The following PLCE1 variants were observed in gnomAD, a reference collection of about 807,000 sequenced individuals.
PLCE1 encodes 1-phosphatidylinositol 4,5-bisphosphate phosphodiesterase epsilon-1.
Under a neutral mutation model 242.8 loss-of-function variants are expected in PLCE1, and 119 were observed. The observed-to-expected ratio is 0.49, with a 90% CI of 0.42 to 0.57. The LOEUF is 0.57. Ranked by LOEUF, PLCE1 falls within the 20% of genes least tolerant of loss-of-function variation. The pLI, the probability that PLCE1 is intolerant of heterozygous loss-of-function variation, is 0.00. For synonymous variants in PLCE1, 945 were observed against 1,017.4 expected, an observed-to-expected ratio of 0.93 and a Z score of 1.35; for missense variants, 2,441 against 2,788.8, an observed-to-expected ratio of 0.88 and a Z score of 2.81.
In PLCE1 at chr10:94,165,617, A is replaced by G. The variant is rs2047774363; in HGVS notation, c.1493-5563A>G. Among the ~76,000 whole-genome samples the G allele has an allele frequency of 3.3e-5, 5 of 152,314 alleles. 1 individual carries two copies. The highest frequency in any genetic ancestry group is 1.2e-4 in the African/African-American group (5 of 41,552). On this transcript the variant is annotated intron_variant, in intron 3 of 32. Coordinates refer to ENST00000371380, the MANE Select transcript of PLCE1 (RefSeq NM_016341.4). ...AAAACAGTATTACCATATATATTGG[A>G]AAAAAATCTGAACAGGCCAAAAAAA...
chr10:94,107,963 A>T (rs1464659324), intron 2 of PLCE1: 1 of 152,194 alleles, frequency 6.6e-6, no homozygotes, highest in Non-Finnish European at 1.5e-5. Context: ...TATTCCAGAC[A>T]AGCCGTGGGC....
intron 19 of PLCE1, among the ~76,000 whole-genome samples, chr10:94,278,026 G>T (rs551644587): frequency 6.6e-6 from 1 of 151,982 alleles, no homozygotes; most frequent in East Asian, 1.9e-4. Flanking sequence ...TTGAGAAATC[G>T]CAGCCTAGAC....
chr10:94,092,556 T>TG, intron 2 of PLCE1, among the ~76,000 whole-genome samples: 1 of 152,030 alleles, frequency 6.6e-6, no homozygotes, highest in African/African-American at 2.4e-5. Context: ...GAAAGCCCAG[T>TG]AAAAAAGTTC....
Position 94,284,958 on chromosome 10 carries a change from A to C in PLCE1, c.5028A>C (p.Lys1676Asn), listed in dbSNP as rs2052381808. ...TTGTAATCTATTGTCAAGCAGTAAA[A>C]TTTCCAGGTAAGATTAGGCAATATC... ...SDLVIYCQAV[K>N]FPGLSTLNAS... Residue 1676 changes from lysine to asparagine, a missense_variant, in exon 22 of 33, where the codon AAA (lysine) becomes AAC (asparagine). Lys to Asn is a moderately conservative substitution (Grantham distance 94). Coordinates refer to ENST00000371380, the MANE Select transcript of PLCE1 (RefSeq NM_016341.4). 2 of 1,569,134 alleles carry C rather than the reference A, an allele frequency of 1.3e-6. No homozygotes were observed. Among genetic ancestry groups the C allele is most frequent in the Non-Finnish European group, 1.8e-6 (2 of 1,139,266 alleles).
At chr10:94,142,987 C>T (rs1392927585) in intron 3 of PLCE1, among the ~76,000 whole-genome samples, 2 of 152,100 alleles carry the variant, frequency 1.3e-5, no homozygotes, top group African/African-American at 2.4e-5. Flanking sequence ...GAGGGATTTA[C>T]CCACAAATGG....
intron 3 of PLCE1, among the ~76,000 whole-genome samples, chr10:94,164,147 G>A (rs1390356187): frequency 3.9e-5 from 6 of 151,946 alleles, no homozygotes; most frequent in Non-Finnish European, 5.9e-5. Context: ...TGCTCTTCTC[G>A]AGGAGTATCT....
chr10:94,121,920 C>T (rs1449864961), intron 2 of PLCE1, among the ~76,000 whole-genome samples: 1 of 152,140 alleles, frequency 6.6e-6, no homozygotes, highest in African/African-American at 2.4e-5. Context: ...AGATAGAGGC[C>T]ACACTGGACA....
intron 1 of PLCE1, among the ~76,000 whole-genome samples, chr10:94,002,865 C>T (rs960360402): frequency 6.6e-6 from 1 of 152,168 alleles, no homozygotes; most frequent in African/African-American, 2.4e-5. Context: ...AGATTCCTTG[C>T]TTAACATTCT....
intron 2 of PLCE1, chr10:94,108,655 C>T (rs2045845089): frequency 6.6e-6 from 1 of 152,196 alleles, no homozygotes; most frequent in Non-Finnish European, 1.5e-5. Context: ...CCCTGCTTCC[C>T]CTGCTGATAT....
At chr10:94,316,784 A>G in intron 29 of PLCE1, 28 bp downstream of exon 29, 1 of 1,509,266 alleles carries the variant, frequency 6.6e-7, no homozygotes, top group Non-Finnish European at 9.2e-7. Flanking sequence ...CAGCCTACAC[A>G]GTAACGACTC....
chr10:94,033,830 C>T (rs2061611179), intron 2 of PLCE1, among the ~76,000 whole-genome samples: 1 of 152,076 alleles, frequency 6.6e-6, no homozygotes, highest in Non-Finnish European at 1.5e-5. Context: ...CCTTTAAAAC[C>T]TGACCCTAGA....
At chr10:94,136,809 T>G (rs1395200761) in intron 3 of PLCE1, among the ~76,000 whole-genome samples, 4 of 152,222 alleles carry the variant, frequency 2.6e-5, no homozygotes, top group Admixed American at 2.6e-4. Context: ...TCCACAAGGA[T>G]ATGCCCTTAT....
intron 2 of PLCE1, among the ~76,000 whole-genome samples, chr10:94,127,609 G>A (rs2046472653): frequency 1.3e-5 from 2 of 152,016 alleles, no homozygotes; most frequent in South Asian, 2.1e-4. Context: ...AATAATTCGC[G>A]GCCATTTTTG....
Position 94,265,818 on chromosome 10 carries a change from G to T in PLCE1, c.4141G>T (p.Ala1381Ser). 6.2e-7 allele frequency: 1 copy of T among 1,613,922 alleles called. No individual in the cohort carries two copies. Among genetic ancestry groups the T allele is most frequent in the Non-Finnish European group, 8.5e-7 (1 of 1,179,948 alleles). ...ARFLMDKENF[A>S]SKNDESQENI... ...GTTTCTGATGGATAAAGAAAATTTT[G>T]CCTCAAAAAATGATGAGTCACAGGA... is the stretch of plus-strand genomic sequence containing the variant. Residue 1381 changes from alanine to serine, a missense_variant, in exon 16 of 33, where the codon GCC (alanine) becomes TCC (serine). Coordinates refer to ENST00000371380, the MANE Select transcript of PLCE1 (RefSeq NM_016341.4).
At chr10:94,069,669 G>GA (rs2044297224) in intron 2 of PLCE1, among the ~76,000 whole-genome samples, 1 of 152,112 alleles carries the variant, frequency 6.6e-6, no homozygotes, top group South Asian at 2.1e-4. Context: ...GGAACAGAAA[G>GA]AAAGTTCTAG....
intron 3 of PLCE1, among the ~76,000 whole-genome samples, chr10:94,170,491 C>A (rs1021923164): frequency 1.3e-5 from 2 of 152,240 alleles, no homozygotes; most frequent in African/African-American, 4.8e-5. Flanking sequence ...TTCTCTCCTG[C>A]ATCCCTCTGT....
rs1367591988 is a variant in PLCE1 at position 94,328,175 on chromosome 10, A to C, written c.*232A>C. On this transcript the variant is annotated 3_prime_UTR_variant, in exon 33 of 33. Transcript: ENST00000371380. ...AAGCCCAGGGGACTGCCATTTTATAAATGTCAGCAGTTGGAAAAATCGTCA... is the reference window on the plus strand; with the variant it reads ...AAGCCCAGGGGACTGCCATTTTATACATGTCAGCAGTTGGAAAAATCGTCA... 3.4e-6 allele frequency: 1 copy of C among 294,700 alleles called. No homozygotes were observed. Among genetic ancestry groups the C allele is most frequent in the Non-Finnish European group, 7.3e-6 (1 of 137,708 alleles). 18.3% of individuals were successfully genotyped at this position (294,700 alleles called of 1,614,324 possible). A position where few individuals can be genotyped will look rare whatever the true frequency, so the allele number is the denominator to read the frequency against.
intron 2 of PLCE1, among the ~76,000 whole-genome samples, chr10:94,072,861 A>G (rs2135131861): frequency 6.6e-6 from 1 of 152,128 alleles, no homozygotes; most frequent in East Asian, 1.9e-4. Context: ...AGAAGTGTCT[A>G]CTCACCCACA....
intron 1 of PLCE1, among the ~76,000 whole-genome samples, chr10:94,024,892 T>C (rs1215631033): frequency 6.6e-6 from 1 of 152,162 alleles, no homozygotes; most frequent in East Asian, 1.9e-4. Flanking sequence ...TTCTGAGCCT[T>C]ATTCCTAAAA....
Sources: allele counts gnomAD v4.1 joint callset (sites outside exome capture counted in the v4.1 genomes callset), GRCh38; gene constraint gnomAD v4.1.1; transcripts MANE v1.5; gene names NCBI Gene and HGNC (gene_info 2026-07-23, HGNC 2026-07-21).